Variants in GLI3 observed in about 807,000 individuals in gnomAD.
GLI3 encodes transcription activator GLI3.
Under a neutral mutation model 100.8 loss-of-function variants are expected in GLI3, and 20 were observed. The ratio of observed to expected loss-of-function variants is 0.20; its 90% CI spans 0.14 to 0.29. The LOEUF is 0.29. Ranked by LOEUF, GLI3 falls within the 10% of genes least tolerant of loss-of-function variation. The probability of loss-of-function intolerance (pLI) is 1.00; values close to 1 mark genes in which losing one functional copy is unlikely to be tolerated. For missense variants in GLI3, 2,040 were observed against 2,128.5 expected (o/e 0.96, Z 0.82); for synonymous variants, 938 against 860.5 (o/e 1.09, Z -1.58).
rs376660752 is a variant in GLI3, at chr7:41,962,070, G to A, written c.*2260C>T. ...CACAAGACAACAACAGTGGTGGGCC[G>A]GATCACTGTGCATCCCTCCAGGAAG... is the stretch of plus-strand genomic sequence containing the variant. On this transcript the variant is annotated 3_prime_UTR_variant, in exon 15 of 15. Transcript: ENST00000395925. The A allele has an allele frequency of 2.6e-5, 4 of 152,180 alleles. No individual in the cohort carries two copies. Among genetic ancestry groups the A allele is most frequent in the East Asian group, 1.9e-4 (1 of 5,198 alleles). 9.4% of individuals were successfully genotyped at this position (152,180 alleles called of 1,614,324 possible).
At chr7:42,257,550 T>A (rs569700221) in intron 1 of GLI3, among the ~76,000 whole-genome samples, 1 of 152,076 alleles carries the variant, frequency 6.6e-6, no homozygotes, top group African/African-American at 2.4e-5. Context: ...TTCACCGTAT[T>A]AGCCAGGATG....
chr7:42,228,056 C>T (rs1226796290), intron 1 of GLI3, among the ~76,000 whole-genome samples: 1 of 152,224 alleles, frequency 6.6e-6, no homozygotes, highest in Non-Finnish European at 1.5e-5. Flanking sequence ...GCGCCTGCGT[C>T]CCCTGCCCGA....
At chr7:41,989,497 A>G (rs1384813182) in intron 10 of GLI3, among the ~76,000 whole-genome samples, 1 of 152,200 alleles carries the variant, frequency 6.6e-6, no homozygotes, top group African/African-American at 2.4e-5. Context: ...CGAAGGATCA[A>G]ATGAATTTGT....
chr7:42,133,643 G>GA (rs11400220), intron 3 of GLI3, among the ~76,000 whole-genome samples: 93,556 of 140,178 alleles, frequency 0.67, 31,033 homozygotes, highest in East Asian at 0.79. Flanking sequence ...GAAAGCAGCA[G>GA]AAAAAAAAAA....
chr7:42,065,242 T>C (rs1381483509), intron 4 of GLI3, among the ~76,000 whole-genome samples: 1 of 149,654 alleles, frequency 6.7e-6, no homozygotes, highest in African/African-American at 2.4e-5. Flanking sequence ...TATTTAATAC[T>C]TTTAAATTAT....
intron 4 of GLI3, among the ~76,000 whole-genome samples, chr7:42,067,749 G>T (rs887888520): frequency 6.6e-6 from 1 of 151,984 alleles, no homozygotes; most frequent in Non-Finnish European, 1.5e-5. Flanking sequence ...AGGCAATGAG[G>T]GACCCTGTAT....
chr7:42,066,666 C>T (rs1010441019), intron 4 of GLI3, among the ~76,000 whole-genome samples: 9 of 152,188 alleles, frequency 5.9e-5, no homozygotes, highest in African/African-American at 2.2e-4. Context: ...CAGTATACAA[C>T]ATCCACAACC....
intron 13 of GLI3, among the ~76,000 whole-genome samples, chr7:41,971,803 G>A (rs1278688124): frequency 6.6e-6 from 1 of 152,078 alleles, no homozygotes; most frequent in African/African-American, 2.4e-5. Context: ...CTTCCCTCTG[G>A]AGCACTGAAC....
At chr7:42,012,977 G>A (rs977171417) in intron 10 of GLI3, among the ~76,000 whole-genome samples, 2 of 152,210 alleles carry the variant, frequency 1.3e-5, no homozygotes, top group African/African-American at 2.4e-5. Flanking sequence ...TGAAGCACAA[G>A]GGAGAGCCTA....
At chr7:42,113,329 G>A in intron 3 of GLI3, 1 of 626,680 alleles carries the variant, frequency 1.6e-6, no homozygotes, top group Non-Finnish European at 3.0e-6. Flanking sequence ...CACATCCTGT[G>A]CCCAGCACCT....
chr7:42,023,633 G>T, intron 9 of GLI3, 25 bp from the exon 10 acceptor site: 2 of 1,588,780 alleles, frequency 1.3e-6, no homozygotes, highest in Non-Finnish European at 1.7e-6. Flanking sequence ...TGGGGGGCAG[G>T]GAACAGAGAA....
At chr7:42,169,276 T>C (rs1787312264) in intron 2 of GLI3, among the ~76,000 whole-genome samples, 1 of 152,204 alleles carries the variant, frequency 6.6e-6, no homozygotes. Flanking sequence ...ATATGCAATA[T>C]ATAACAAAAT....
intron 7 of GLI3, among the ~76,000 whole-genome samples, chr7:42,034,811 CATTT>C (rs1407078637): frequency 6.6e-6 from 1 of 152,042 alleles, no homozygotes; most frequent in Admixed American, 6.6e-5. Flanking sequence ...TTTGTTCATT[CATTT>C]GTTCCCTCAC....
chr7:42,126,647 C>A (rs1786139685), intron 3 of GLI3, among the ~76,000 whole-genome samples: 1 of 152,146 alleles, frequency 6.6e-6, no homozygotes, highest in Admixed American at 6.5e-5. Context: ...GTAAAGGAAA[C>A]CAAAATCAGC....
At chr7:42,147,875 A>G (rs1312715576) in intron 3 of GLI3, among the ~76,000 whole-genome samples, 2 of 152,264 alleles carry the variant, frequency 1.3e-5, no homozygotes, top group East Asian at 1.9e-4. Flanking sequence ...TCATAACTTC[A>G]TAACAACAAA....
At chr7:42,101,253 T>A (rs1785454382) in intron 3 of GLI3, among the ~76,000 whole-genome samples, 1 of 152,180 alleles carries the variant, frequency 6.6e-6, no homozygotes, top group Non-Finnish European at 1.5e-5. Flanking sequence ...AACTCTGATT[T>A]CCTTTGCAGA....
chr7:42,032,728 A>G (rs3801161), intron 7 of GLI3, among the ~76,000 whole-genome samples: 28,111 of 152,166 alleles, frequency 0.18, 3,186 homozygotes, highest in Non-Finnish European at 0.26. Context: ...ATGGTAAGTA[A>G]GAGCTGATTA....
intron 7 of GLI3, among the ~76,000 whole-genome samples, chr7:42,037,449 C>T (rs949528216): frequency 6.6e-6 from 1 of 152,172 alleles, no homozygotes; most frequent in African/African-American, 2.4e-5. Flanking sequence ...CACTAGCACT[C>T]CTCCAGCTAA....
intron 10 of GLI3, among the ~76,000 whole-genome samples, chr7:42,000,281 T>C (rs1397668398): frequency 2.0e-5 from 3 of 152,206 alleles, no homozygotes; most frequent in Non-Finnish European, 2.9e-5. Context: ...GAGGAAGATT[T>C]TTCAATATAA....
Sources: gnomAD v4.1 joint callset for allele counts (sites outside exome capture counted in the v4.1 genomes callset) on GRCh38, gnomAD v4.1.1 for gene constraint, MANE v1.5 for transcripts, NCBI Gene and HGNC (gene_info 2026-07-23, HGNC 2026-07-21) for gene names.